The following FANCA variants were observed in gnomAD, a reference collection of about 807,000 sequenced individuals.
The protein encoded by FANCA is FA complementation group A.
A neutral mutation model predicts 194.3 loss-of-function variants in FANCA; 236 were observed. The observed-to-expected ratio is 1.21, with a 90% confidence interval of 1.09 to 1.35. FANCA has a LOEUF of 1.35. Among genes scored for constraint, FANCA ranks in the 40% most tolerant of loss-of-function variants. The pLI is 0.00. For missense variants in FANCA, 2,628 were observed against 1,813.9 expected, an observed-to-expected ratio of 1.45 and a Z score of -8.15; for synonymous variants, 1,014 against 715.8, an observed-to-expected ratio of 1.42 and a Z score of -6.65.
intron 3 of FANCA, among the ~76,000 whole-genome samples, chr16:89,813,459 T>A (rs370055899): frequency 4.7e-5 from 7 of 149,910 alleles, no homozygotes; most frequent in African/African-American, 1.7e-4. Context: ...TGAGACAGAG[T>A]TTTGCTCTTA....
chr16:89,773,251 G>A lies in FANCA; in HGVS notation c.2014+20C>T, dbSNP rs376320049. 17 of 1,527,042 alleles carry A rather than the reference G, an allele frequency of 1.1e-5. No individual in the cohort carries two copies. In the African/African-American group the frequency reaches 1.4e-4, roughly 12 times the overall value. The allele number at this position is 1,527,042 out of a possible 1,614,324, so 94.6% of individuals were successfully genotyped here. A position where few individuals can be genotyped will look rare whatever the true frequency, so the allele number is the denominator to read the frequency against. ...AGGCTGCACACATGAGACACAGCAT[G>A]AGCTCCCATCCATCCTCACCATCAC... On this transcript the variant is annotated intron_variant, in intron 22 of 42. Coordinates refer to ENST00000389301, the MANE Select transcript of FANCA (RefSeq NM_000135.4).
At chr16:89,793,090 T>A (rs1319503094) in intron 11 of FANCA, among the ~76,000 whole-genome samples, 1 of 152,166 alleles carries the variant, frequency 6.6e-6, no homozygotes. Flanking sequence ...TCCGGATAAC[T>A]GTGGGTGAGC....
intron 14 of FANCA, among the ~76,000 whole-genome samples, chr16:89,786,775 C>T (rs999952992): frequency 7.2e-5 from 11 of 152,182 alleles, no homozygotes; most frequent in Non-Finnish European, 1.5e-4. Context: ...TGCCAAATAC[C>T]AGGAAAGCAG....
intron 10 of FANCA, chr16:89,798,284 T>C: frequency 1.0e-6 from 1 of 955,622 alleles, no homozygotes; most frequent in Non-Finnish European, 1.3e-6. Flanking sequence ...TGAGAACACA[T>C]CTGCCGTCCA....
intron 3 of FANCA, among the ~76,000 whole-genome samples, chr16:89,814,281 G>C (rs555508789): frequency 6.6e-6 from 1 of 152,268 alleles, no homozygotes; most frequent in African/African-American, 2.4e-5. Context: ...TTTTCCAAGG[G>C]ACACTCTGGG....
At chr16:89,799,273 C>T (rs760093330) in intron 9 of FANCA, 41 bp from the exon 10 acceptor site, 7 of 1,610,670 alleles carry the variant, frequency 4.3e-6, no homozygotes, top group East Asian at 2.2e-5. Context: ...TGTCAGCACA[C>T]GGCGGCAGCC....
intron 33 of FANCA, 36 bp downstream of exon 33, chr16:89,748,622 GA>G: frequency 6.7e-7 from 1 of 1,495,542 alleles, no homozygotes; most frequent in Non-Finnish European, 9.3e-7. Context: ...CACAGGCACT[GA>G]CAGATCGGAC....
In FANCA at chr16:89,758,631, T is replaced by A; in HGVS notation, c.2927A>T (p.Asp976Val). The change falls in exon 30 of 43, where the codon GAC (aspartate) becomes GTC (valine). Residue 976 changes from aspartate (D) to valine (V), a missense_variant. Physicochemically the swap from Asp to Val is radical, Grantham distance 152. Transcript: ENST00000389301. ...ESSASGGCDG[D>V]LQAACTILVN... is the part of the protein sequence containing the mutation. ...AAGAATGGTACACGCAGCCTGCAGG[T>A]CTCCGTCACAGCCCCCTGAAGCCGA... The A allele has an allele frequency of 6.2e-7, 1 of 1,614,056 alleles. No homozygotes were observed. Among genetic ancestry groups the A allele is most frequent in the South Asian group, 1.1e-5 (1 of 91,078 alleles).
Position 89,749,836 on chromosome 16 carries a change from C to T in FANCA, c.3133G>A (p.Glu1045Lys). 6.2e-7 allele frequency: 1 copy of T among 1,614,168 alleles called. No homozygotes were observed. Among genetic ancestry groups the T allele is most frequent in the Non-Finnish European group, 8.5e-7 (1 of 1,180,026 alleles). Residue 1045 changes from glutamate (E) to lysine (K), a missense_variant, in exon 32 of 43, where the codon GAG becomes AAG. Coordinates refer to ENST00000389301, the MANE Select transcript of FANCA (RefSeq NM_000135.4). ...CGGAAAATCTCAAAGAGGAAGTGCT[C>T]CTGGGAAGGGGTGTGGCCGAGAGGC... is the stretch of plus-strand genomic sequence containing the variant. ...IVPLGHTPSQ[E>K]HFLFEIFRRR...
chr16:89,795,015 C>T (rs1254144956), intron 11 of FANCA, among the ~76,000 whole-genome samples: 2 of 152,106 alleles, frequency 1.3e-5, no homozygotes, highest in Non-Finnish European at 2.9e-5. Context: ...CTGGGCACAG[C>T]GGCACACGCC....
rs1035775047 is a variant in FANCA at position 89,783,107 on chromosome 16, G to A, written c.1471-5C>T. On this transcript the variant is annotated splice_region_variant and splice_polypyrimidine_tract_variant and intron_variant, in intron 15 of 42. Coordinates refer to ENST00000389301, the MANE Select transcript of FANCA (RefSeq NM_000135.4). ...GGGTGGGTGGAGAATGTGCACCTGA[G>A]GATAGATAGCAGAGCGCAGCACCGT... 3 of 1,607,164 alleles carry A rather than the reference G, an allele frequency of 1.9e-6. No individual in the cohort carries two copies. Among genetic ancestry groups the A allele is most frequent in the African/African-American group, 1.3e-5 (1 of 74,532 alleles).
chr16:89,814,487 A>G lies in FANCA; in HGVS notation c.283+33T>C, dbSNP rs767265018. On this transcript the variant is annotated intron_variant, in intron 3 of 42. Coordinates refer to ENST00000389301, the MANE Select transcript of FANCA (RefSeq NM_000135.4). ...GTTACTATATAAAAACCCTTCTGCA[A>G]TTCAAAATAGAGAAAATGAAGCTAT... is the stretch of plus-strand genomic sequence containing the variant. The G allele has an allele frequency of 4.7e-6, 7 of 1,494,992 alleles. No individual in the cohort carries two copies. The South Asian group carries it at 6.8e-5, about 15-fold the overall frequency. 92.6% of individuals were successfully genotyped at this position (1,494,992 alleles called of 1,614,324 possible).
At chr16:89,816,015 C>T (rs377299058) in intron 1 of FANCA, 29 bp from the exon 2 acceptor site, 15 of 1,561,124 alleles carry the variant, frequency 9.6e-6, no homozygotes, top group Non-Finnish European at 1.3e-5. Flanking sequence ...TCGAAACCAT[C>T]ACAGCACAAT....
chr16:89,808,910 ATT>A (rs112058471), intron 5 of FANCA, among the ~76,000 whole-genome samples: 2 of 140,602 alleles, frequency 1.4e-5, no homozygotes, highest in Admixed American at 7.1e-5. Context: ...CTCACACTCT[ATT>A]TTTTTTTTTT....
In FANCA at chr16:89,769,975, A is replaced by G; in HGVS notation, c.2366T>C (p.Val789Ala). Residue 789 changes from valine (V) to alanine (A), a missense_variant, in exon 26 of 43, where the codon GTG (valine) becomes GCG (alanine). Physicochemically the swap from Val to Ala is moderately conservative, Grantham distance 64. Coordinates refer to ENST00000389301, the MANE Select transcript of FANCA (RefSeq NM_000135.4). Reference protein sequence around the residue: ...PHVLGLAALAVHLGESRSALP... With the variant: ...PHVLGLAALAAHLGESRSALP... ...CGCAGACCTGGACTCACCCAGGTGC[A>G]CGGCCAGGGCAGCCAACCCCAGCAC... 6.2e-7 allele frequency: 1 copy of G among 1,614,016 alleles called. No individual in the cohort carries two copies. Among genetic ancestry groups the G allele is most frequent in the Non-Finnish European group, 8.5e-7 (1 of 1,180,030 alleles).
rs185527578 is a variant in FANCA, at chr16:89,748,652, C to T, written c.3348+7G>A. On this transcript the variant is annotated splice_region_variant and intron_variant, in intron 33 of 42. Coordinates refer to ENST00000389301, the MANE Select transcript of FANCA (RefSeq NM_000135.4). ...ATCGGACGGACACGTGCACACGGGG[C>T]ACCTACCATCTCAGAGTTGACCAAG... is the stretch of plus-strand genomic sequence containing the variant. 2 of 1,609,346 alleles carry T rather than the reference C, an allele frequency of 1.2e-6. No homozygotes were observed. Among genetic ancestry groups the T allele is most frequent in the African/African-American group, 2.7e-5 (2 of 74,952 alleles).
At chr16:89,767,869 A>C (rs1462020094) in intron 26 of FANCA, among the ~76,000 whole-genome samples, 1 of 152,054 alleles carries the variant, frequency 6.6e-6, no homozygotes, top group Non-Finnish European at 1.5e-5. Context: ...TTTTTTTAGT[A>C]GAGACGGGGT....
intron 27 of FANCA, among the ~76,000 whole-genome samples, chr16:89,765,411 A>G (rs2159115): frequency 0.71 from 104,371 of 147,610 alleles, 38,846 homozygotes; most frequent in East Asian, 0.99. Context: ...CAGCCCCTGG[A>G]AGGGTGCAGA....
chr16:89,741,783 A>C (rs866303554), intron 37 of FANCA, among the ~76,000 whole-genome samples: 4 of 152,080 alleles, frequency 2.6e-5, no homozygotes, highest in South Asian at 2.1e-4. Context: ...GTCTCACTGC[A>C]AGCTTATCTG....
Sources: gnomAD v4.1 joint callset for allele counts (sites outside exome capture counted in the v4.1 genomes callset) on GRCh38, gnomAD v4.1.1 for gene constraint, MANE v1.5 for transcripts, NCBI Gene and HGNC (gene_info 2026-07-23, HGNC 2026-07-21) for gene names.